RPA2: variants seen among roughly 807,000 people sequenced by gnomAD.
RPA2 encodes replication protein A 32 kDa subunit.
Under a neutral mutation model 33.4 loss-of-function variants are expected in RPA2, and 22 were observed. That is an observed-to-expected ratio of 0.66 (90% CI 0.47 to 0.94). The LOEUF (loss-of-function observed/expected upper bound fraction) is 0.94, where lower values mean the gene tolerates loss of function less well. RPA2 is among the 40% of genes least tolerant of loss of function. The pLI, the probability that RPA2 is intolerant of heterozygous loss-of-function variation, is 0.00. For synonymous variants in RPA2, 109 were observed against 114.9 expected, an observed-to-expected ratio of 0.95 and a Z score of 0.33; for missense variants, 279 against 329.9, an observed-to-expected ratio of 0.85 and a Z score of 1.19.
chr1:27,904,832 A>G (rs1336502002), intron 4 of RPA2, among the ~76,000 whole-genome samples: 1 of 152,100 alleles, frequency 6.6e-6, no homozygotes. Context: ...TTGTATCATT[A>G]GTAGAGATGG....
Position 27,906,892 on chromosome 1 carries a change from A to C in RPA2, c.333+36T>G, listed in dbSNP as rs774755770. ...AAAGTTCAACATCTCCACAGTTCCA[A>C]AGTAACCCCATCATGATTCAAAAAC... On this transcript the variant is annotated intron_variant, in intron 4 of 8. Coordinates refer to ENST00000373912, the MANE Select transcript of RPA2 (RefSeq NM_002946.5). The C allele has an allele frequency of 1.7e-5, 25 of 1,461,096 alleles. No homozygotes were observed. The African/African-American group carries it at 2.4e-4, about 14-fold the overall frequency. 90.5% of individuals were successfully genotyped at this position (1,461,096 alleles called of 1,614,324 possible). A position where few individuals can be genotyped will look rare whatever the true frequency, so the allele number is the denominator to read the frequency against.
At chr1:27,914,770 G>A, upstream of RPA2, 2 of 1,229,570 alleles carry the variant, frequency 1.6e-6, no homozygotes, top group Non-Finnish European at 2.3e-6. Context: ...TGGCAGAGCG[G>A]TATCGCAAGA....
chr1:27,899,506 A>AAAGAAAG (rs1230339906), intron 4 of RPA2, among the ~76,000 whole-genome samples: 3 of 136,594 alleles, frequency 2.2e-5, no homozygotes, highest in Non-Finnish European at 4.8e-5. Context: ...TATCTCAAAA[A>AAAGAAAG]AAAAAAGAAA....
At chr1:27,895,267 C>T (rs891671839) in intron 6 of RPA2, among the ~76,000 whole-genome samples, 12 of 152,126 alleles carry the variant, frequency 7.9e-5, no homozygotes, top group Non-Finnish European at 1.2e-4. Context: ...ATTAAAAATA[C>T]AAAAATTAGC....
At chr1:27,911,441 C>T (rs1044730007) in intron 2 of RPA2, among the ~76,000 whole-genome samples, 1 of 152,022 alleles carries the variant, frequency 6.6e-6, no homozygotes, top group African/African-American at 2.4e-5. Context: ...ATCTTAATAC[C>T]CAGCTTTTAG....
At chr1:27,907,414 CAG>C (rs971110715) in intron 2 of RPA2, 132 bp from the exon 3 acceptor site, 10 of 780,248 alleles carry the variant, frequency 1.3e-5, no homozygotes, top group African/African-American at 1.1e-4. Context: ...ATCCTTGCTT[CAG>C]AGAGATGGAA....
At chr1:27,899,975 C>T (rs1053303503) in intron 4 of RPA2, among the ~76,000 whole-genome samples, 22 of 152,138 alleles carry the variant, frequency 1.4e-4, no homozygotes, top group Admixed American at 1.0e-3. Context: ...CCACGGTGCC[C>T]GGCTTTTGTA....
At chr1:27,899,324 G>A (rs192629851) in intron 4 of RPA2, among the ~76,000 whole-genome samples, 1 of 151,848 alleles carries the variant, frequency 6.6e-6, no homozygotes, top group African/African-American at 2.4e-5. Flanking sequence ...CTGGCTAACA[G>A]GGAAACCCTG....
At chr1:27,907,378 C>T (rs1301564137) in intron 2 of RPA2, 96 bp from the exon 3 acceptor site, 8 of 961,608 alleles carry the variant, frequency 8.3e-6, no homozygotes, top group Non-Finnish European at 1.1e-5. Flanking sequence ...TATATTAGAA[C>T]ATTGAATTTC....
intron 6 of RPA2, among the ~76,000 whole-genome samples, chr1:27,895,117 C>T (rs2089873307): frequency 6.6e-6 from 1 of 152,144 alleles, no homozygotes; most frequent in East Asian, 1.9e-4. Flanking sequence ...TTCTCAGTAT[C>T]CCTCATTAGC....
chr1:27,913,874 G>A (rs1350043752), intron 2 of RPA2, among the ~76,000 whole-genome samples, 189 bp downstream of exon 2: 3 of 152,180 alleles, frequency 2.0e-5, no homozygotes, highest in Admixed American at 1.3e-4. Flanking sequence ...GGAAACAGGA[G>A]GTGGAAAATT....
At chr1:27,914,313 C>T in intron 1 of RPA2, 121 bp downstream of exon 1, 2 of 1,610,538 alleles carry the variant, frequency 1.2e-6, no homozygotes, top group Non-Finnish European at 1.7e-6. Context: ...CCCCCAAACG[C>T]CCCAGCTCCG....
chr1:27,892,586 T>C (rs1393178918), intron 8 of RPA2, among the ~76,000 whole-genome samples: 1 of 152,204 alleles, frequency 6.6e-6, no homozygotes, highest in Admixed American at 6.5e-5. Flanking sequence ...AATCTCCTAG[T>C]AGAAACCACT....
At chr1:27,901,941 A>C (rs35767884) in intron 4 of RPA2, among the ~76,000 whole-genome samples, 2 of 152,192 alleles carry the variant, frequency 1.3e-5, no homozygotes, top group South Asian at 4.1e-4. Flanking sequence ...AGTTCTTGCA[A>C]ACAAAAACAC....
intron 4 of RPA2, among the ~76,000 whole-genome samples, chr1:27,899,968 C>T (rs1445230084): frequency 2.6e-5 from 4 of 152,162 alleles, no homozygotes; most frequent in African/African-American, 7.2e-5. Context: ...GCGTGAGCCA[C>T]GGTGCCCGGC....
chr1:27,908,700 G>A (rs1218217053), intron 2 of RPA2, among the ~76,000 whole-genome samples: 3 of 152,112 alleles, frequency 2.0e-5, no homozygotes, highest in Non-Finnish European at 4.4e-5. Context: ...GTTTTGCCAT[G>A]TTAGCCAGGC....
Position 27,914,128 on chromosome 1 carries a change from C to G in RPA2, c.52G>C (p.Gly18Arg), listed in dbSNP as rs770197869. The G allele has an allele frequency of 6.2e-7, 1 of 1,612,598 alleles. No homozygotes were observed. Among genetic ancestry groups the G allele is most frequent in the African/African-American group, 1.3e-5 (1 of 74,672 alleles). ...SYGSSSYGGAGGYTQSPGGFG... is the reference protein window; with the variant it reads ...SYGSSSYGGARGYTQSPGGFG... Reference sequence around the variant, plus strand: ...CCCCCCGGGGACTGCGTGTAGCCGCCGGCTCCCCCGTATGAGGAGCTGCCA... The same window carrying G: ...CCCCCCGGGGACTGCGTGTAGCCGCGGGCTCCCCCGTATGAGGAGCTGCCA... The change falls in exon 2 of 9, where the codon GGC (glycine) becomes CGC (arginine). Residue 18 changes from glycine (G) to arginine (R), a missense_variant. Physicochemically the swap from Gly to Arg is moderately radical, Grantham distance 125 (BLOSUM62 -2). Transcript: ENST00000373912.
At chr1:27,912,655 A>G (rs1017788671) in intron 2 of RPA2, among the ~76,000 whole-genome samples, 1 of 152,192 alleles carries the variant, frequency 6.6e-6, no homozygotes, top group African/African-American at 2.4e-5. Flanking sequence ...ACCCCGTGAC[A>G]TGAGTACTAC....
chr1:27,904,585 T>A (rs2090005187), intron 4 of RPA2, among the ~76,000 whole-genome samples: 2 of 152,170 alleles, frequency 1.3e-5, no homozygotes, highest in Admixed American at 6.6e-5. Context: ...GGAAAAAATT[T>A]AAAAATTACA....
Sources: allele counts gnomAD v4.1 joint callset (sites outside exome capture counted in the v4.1 genomes callset), GRCh38; gene constraint gnomAD v4.1.1; transcripts MANE v1.5; gene names NCBI Gene and HGNC (gene_info 2026-07-23, HGNC 2026-07-21).